CALN1: variants seen among roughly 807,000 people sequenced by gnomAD.
The protein encoded by CALN1 is calcium-binding protein 8.
A neutral mutation model predicts 30.6 loss-of-function variants in CALN1; 17 were observed. That is an observed-to-expected ratio of 0.56 (90% CI 0.38 to 0.83). CALN1 has a LOEUF of 0.83. CALN1 is among the 40% of genes least tolerant of loss of function. The probability of loss-of-function intolerance (pLI) is 0.00; values close to 1 mark genes in which losing one functional copy is unlikely to be tolerated. For synonymous variants in CALN1, 156 were observed against 131.4 expected, an observed-to-expected ratio of 1.19 and a Z score of -1.28; for missense variants, 291 against 354.9, an observed-to-expected ratio of 0.82 and a Z score of 1.45.
chr7:72,356,586 T>C (rs1026024867), intron 2 of CALN1, among the ~76,000 whole-genome samples: 1 of 151,924 alleles, frequency 6.6e-6, no homozygotes, highest in Non-Finnish European at 1.5e-5. Context: ...GTATAATAAG[T>C]GCCAATCTCC....
At chr7:72,431,701 G>A (rs968053481) in intron 1 of CALN1, among the ~76,000 whole-genome samples, 12 of 152,122 alleles carry the variant, frequency 7.9e-5, no homozygotes, top group Non-Finnish European at 1.3e-4. Flanking sequence ...AAATTACCGA[G>A]TGTGGTCATG....
intron 2 of CALN1, among the ~76,000 whole-genome samples, chr7:72,362,561 TCA>T (rs1803633567): frequency 6.6e-6 from 1 of 152,168 alleles, no homozygotes; most frequent in Non-Finnish European, 1.5e-5. Context: ...GCAAATTCTT[TCA>T]CAGATAATGA....
At chr7:72,047,948 G>A (rs1290955418) in intron 4 of CALN1, among the ~76,000 whole-genome samples, 1 of 152,182 alleles carries the variant, frequency 6.6e-6, no homozygotes, top group East Asian at 1.9e-4. Context: ...TCTCCATGAT[G>A]TGAGCAAAGT....
chr7:72,302,891 C>G (rs1293642678), intron 2 of CALN1, among the ~76,000 whole-genome samples: 4 of 19,158 alleles, frequency 2.1e-4, no homozygotes, highest in Admixed American at 7.4e-4. Context: ...GAGTGAGGGT[C>G]TCAAAAAAAA....
In CALN1 at chr7:72,429,741, A is replaced by G. The variant is rs144095802; in HGVS notation, c.-226+17301T>C. Among the ~76,000 whole-genome samples, 220 of 130,626 alleles carry G rather than the reference A, an allele frequency of 1.7e-3. 1 individual carries two copies. Among genetic ancestry groups the G allele is most frequent in the African/African-American group, 5.5e-3 (172 of 31,540 alleles). The allele number at this position is 130,626 out of a possible 152,430, so 85.7% of individuals were successfully genotyped here. A position where few individuals can be genotyped will look rare whatever the true frequency, so the allele number is the denominator to read the frequency against. Reference sequence around the variant, plus strand: ...TATGTAATTATATATATGTCTGTGTATATATATATATACACATCTGTATAT... The same window carrying G: ...TATGTAATTATATATATGTCTGTGTGTATATATATATACACATCTGTATAT... On this transcript the variant is annotated intron_variant, in intron 1 of 6. Coordinates refer to the CALN1 transcript ENST00000395276.
At chr7:72,502,578 T>C in the CALN1 span, among the ~76,000 whole-genome samples, 67 of 152,196 alleles carry the variant, frequency 4.4e-4, no homozygotes, top group African/African-American at 1.5e-3. Context: ...CTTCGCATTA[T>C]AGAATTTTCT....
intron 2 of CALN1, among the ~76,000 whole-genome samples, chr7:72,317,074 C>A (rs9647949): frequency 4.3e-5 from 4 of 92,684 alleles, no homozygotes; most frequent in Admixed American, 3.3e-4. Flanking sequence ...GAAAGAGAGA[C>A]ACAGAAAGAG....
intron 2 of CALN1, among the ~76,000 whole-genome samples, chr7:72,287,809 T>C (rs1798191223): frequency 6.6e-6 from 1 of 152,224 alleles, no homozygotes; most frequent in East Asian, 1.9e-4. Context: ...GATGGAAAAG[T>C]GTGCTGCAAT....
chr7:72,138,393 T>TG (rs1809653371), intron 3 of CALN1, among the ~76,000 whole-genome samples: 1 of 152,186 alleles, frequency 6.6e-6, no homozygotes, highest in South Asian at 2.1e-4. Flanking sequence ...CGAATACAAG[T>TG]GTTCTCTCCA....
intron 5 of CALN1, among the ~76,000 whole-genome samples, chr7:71,929,713 T>C (rs1352402701): frequency 2.0e-5 from 3 of 152,254 alleles, no homozygotes; most frequent in African/African-American, 4.8e-5. Context: ...TATTCTTGTA[T>C]ATGGTTTTTG....
rs7793411 is a variant in CALN1 at position 71,939,918 on chromosome 7, C to T, written c.501+83739G>A. ...GTTACCAGCTGATTTACAACCCAGA[C>T]CATATCAACTCCAATGGACAGAGGA... On this transcript the variant is annotated intron_variant, in intron 5 of 6. Transcript: ENST00000395275. 2.9e-3 allele frequency among the ~76,000 whole-genome samples: 448 copies of T among 152,276 alleles called. 1 individual carries two copies. The highest frequency in any genetic ancestry group is 0.01 in the African/African-American group (425 of 41,564).
At chr7:72,343,710 T>A (rs1329589832) in intron 2 of CALN1, among the ~76,000 whole-genome samples, 1 of 152,104 alleles carries the variant, frequency 6.6e-6, no homozygotes, top group African/African-American at 2.4e-5. Flanking sequence ...AAGAAGCTAT[T>A]CCAGTTTTTT....
chr7:72,320,422 G>T (rs1455517883), intron 2 of CALN1, among the ~76,000 whole-genome samples: 2 of 152,146 alleles, frequency 1.3e-5, no homozygotes, highest in Non-Finnish European at 2.9e-5. Context: ...TCTTATTGGG[G>T]AAGCAAGAAT....
chr7:72,148,264 T>TA lies in CALN1; in HGVS notation c.245-41971dup, dbSNP rs35780457. ...TGAGTTCACATCAAATGTGGTTGTT[T>TA]AAAAAAAAAAAAAAAAAAGTCTGGG... On this transcript the variant is annotated intron_variant, in intron 3 of 6. Coordinates refer to ENST00000395275, the MANE Select transcript of CALN1 (RefSeq NM_031468.4). Among the ~76,000 whole-genome samples, 507 of 132,670 alleles carry TA rather than the reference T, an allele frequency of 3.8e-3. 5 individuals are homozygous for TA. The highest frequency in any genetic ancestry group is 7.8e-3 in the Middle Eastern group (2 of 258). 87.0% of individuals were successfully genotyped at this position (132,670 alleles called of 152,430 possible). A position where few individuals can be genotyped will look rare whatever the true frequency, so the allele number is the denominator to read the frequency against.
chr7:71,835,419 CAT>C (rs1164238564), intron 5 of CALN1, among the ~76,000 whole-genome samples: 1 of 152,152 alleles, frequency 6.6e-6, no homozygotes, highest in Non-Finnish European at 1.5e-5. Flanking sequence ...ATTTAGGAAC[CAT>C]ATCACGAACT....
intron 3 of CALN1, among the ~76,000 whole-genome samples, chr7:72,145,683 G>A (rs373809948): frequency 2.0e-5 from 3 of 152,278 alleles, no homozygotes; most frequent in East Asian, 1.9e-4. Context: ...GAGAATTTTA[G>A]ACCAATATCC....
chr7:72,353,665 G>C (rs991568401), intron 2 of CALN1, among the ~76,000 whole-genome samples: 3 of 152,094 alleles, frequency 2.0e-5, no homozygotes, highest in African/African-American at 7.2e-5. Context: ...ATCAGGAAAA[G>C]GGCTTCTATT....
At chr7:72,098,490 G>A (rs1430526541) in intron 4 of CALN1, among the ~76,000 whole-genome samples, 2 of 152,036 alleles carry the variant, frequency 1.3e-5, no homozygotes, top group Admixed American at 6.6e-5. Flanking sequence ...AATCCCTTGA[G>A]GCCAGGAACT....
intron 4 of CALN1, among the ~76,000 whole-genome samples, chr7:72,087,066 T>C (rs1044445429): frequency 6.6e-6 from 1 of 152,204 alleles, no homozygotes; most frequent in Non-Finnish European, 1.5e-5. Flanking sequence ...ATAAATAATG[T>C]CCATCTCAGA....
Sources: allele counts gnomAD v4.1 joint callset (sites outside exome capture counted in the v4.1 genomes callset), GRCh38; gene constraint gnomAD v4.1.1; transcripts MANE v1.5; gene names NCBI Gene and HGNC (gene_info 2026-07-23, HGNC 2026-07-21).